Variants in COBL observed in about 807,000 individuals in gnomAD.
COBL encodes the protein protein cordon-bleu.
COBL carries 51 observed loss-of-function variants against 98.8 expected under a neutral mutation model. The observed-to-expected ratio is 0.52, with a 90% CI of 0.41 to 0.65. COBL has a LOEUF of 0.65. Among genes scored for constraint, COBL ranks in the 30% least tolerant of loss-of-function variants. The pLI, the probability that COBL is intolerant of heterozygous loss-of-function variation, is 0.00. For synonymous variants in COBL, 634 were observed against 651.7 expected (o/e 0.97, Z 0.41); for missense variants, 1,617 against 1,617.5 (o/e 1.00, Z 0.01).
intron 6 of COBL, among the ~76,000 whole-genome samples, chr7:51,126,038 T>C (rs940266480): frequency 3.3e-5 from 5 of 152,220 alleles, no homozygotes; most frequent in East Asian, 1.9e-4. Context: ...TCTTAAAATA[T>C]GGTGTTCAGG....
chr7:51,197,502 G>A (rs911135195), intron 2 of COBL, among the ~76,000 whole-genome samples: 1 of 152,108 alleles, frequency 6.6e-6, no homozygotes, highest in Admixed American at 6.5e-5. Context: ...GTTGTTTTAG[G>A]ATGAAAAGTT....
intron 1 of COBL, among the ~76,000 whole-genome samples, chr7:51,300,307 C>T (rs1265123341): frequency 6.6e-6 from 1 of 152,034 alleles, no homozygotes; most frequent in South Asian, 2.1e-4. Context: ...ATTACAGGCA[C>T]CCACCACCAC....
At chr7:51,149,549 A>G (rs1161140390) in intron 5 of COBL, among the ~76,000 whole-genome samples, 1 of 152,196 alleles carries the variant, frequency 6.6e-6, no homozygotes, top group Non-Finnish European at 1.5e-5. Context: ...TTACTCTTAC[A>G]TGGATTTAAC....
chr7:51,177,062 T>C (rs1252981006), intron 5 of COBL, among the ~76,000 whole-genome samples: 5 of 152,224 alleles, frequency 3.3e-5, no homozygotes, highest in Non-Finnish European at 7.3e-5. Flanking sequence ...TTAGCCTATT[T>C]CTGGTAGGTG....
chr7:51,156,847 C>T (rs1562974501), intron 5 of COBL, among the ~76,000 whole-genome samples: 1 of 152,116 alleles, frequency 6.6e-6, no homozygotes, highest in African/African-American at 2.4e-5. Context: ...TTAAACTGTT[C>T]TGTACTTAAA....
intron 7 of COBL, chr7:51,083,357 C>A: frequency 3.2e-6 from 2 of 628,736 alleles, no homozygotes; most frequent in South Asian, 4.3e-5. Context: ...CACCTAACAC[C>A]AGATCCAGTC....
chr7:51,313,710 A>G lies in COBL; in HGVS notation c.41+2883T>C, dbSNP rs776990578. On this transcript the variant is annotated intron_variant, in intron 1 of 12. Transcript: ENST00000265136. ...CTGTCCTTTATTAACAGAGGGTCCA[A>G]TGGGAAATTTAGCCCTGTGTTCTGT... 2.6e-5 allele frequency among the ~76,000 whole-genome samples: 4 copies of G among 152,372 alleles called. No individual in the cohort carries two copies. In the South Asian group the frequency reaches 6.2e-4, roughly 24 times the overall value.
intron 1 of COBL, 124 bp from the exon 2 acceptor site, chr7:51,220,068 T>C (rs1793484422): frequency 2.5e-6 from 2 of 785,246 alleles, no homozygotes; most frequent in African/African-American, 3.5e-5. Context: ...ACGGCCTTTT[T>C]AAAATCAATG....
At chr7:51,211,508 G>C (rs762404608) in intron 2 of COBL, among the ~76,000 whole-genome samples, 2 of 152,242 alleles carry the variant, frequency 1.3e-5, no homozygotes, top group Non-Finnish European at 1.5e-5. Context: ...GTCAGTACTT[G>C]CTAAATAAAT....
chr7:51,316,566 A>T, intron 1 of COBL, 27 bp downstream of exon 1: 1 of 1,207,010 alleles, frequency 8.3e-7, no homozygotes, highest in Non-Finnish European at 1.0e-6. Context: ...CCCCCTCTCC[A>T]CCCCGCCCGA....
intron 1 of COBL, among the ~76,000 whole-genome samples, chr7:51,269,360 C>A (rs1798540220): frequency 6.6e-6 from 1 of 152,150 alleles, no homozygotes; most frequent in Non-Finnish European, 1.5e-5. Context: ...TAAGTCACAT[C>A]ATGCATCAGT....
At chr7:51,083,997 G>A (rs533988289) in intron 7 of COBL, among the ~76,000 whole-genome samples, 63 of 152,152 alleles carry the variant, frequency 4.1e-4, no homozygotes, top group Non-Finnish European at 2.9e-4. Context: ...AAGGGAGAAT[G>A]GGGGGCTCTT....
chr7:51,063,354 C>T (rs6961640), intron 7 of COBL, among the ~76,000 whole-genome samples: 150 of 152,286 alleles, frequency 9.8e-4, no homozygotes, highest in African/African-American at 3.4e-3. Context: ...AGGCTGGCTT[C>T]GAACTCCTGA....
chr7:51,288,665 A>C (rs1283718718), intron 1 of COBL, among the ~76,000 whole-genome samples: 2 of 152,006 alleles, frequency 1.3e-5, no homozygotes, highest in Non-Finnish European at 2.9e-5. Flanking sequence ...GAGGCAGGAG[A>C]ATCGCTTAAA....
chr7:51,097,177 C>T (rs565501900), intron 6 of COBL, among the ~76,000 whole-genome samples: 2 of 152,214 alleles, frequency 1.3e-5, no homozygotes, highest in African/African-American at 4.8e-5. Flanking sequence ...GGTAAGAATG[C>T]TTCAATATAA....
At chr7:51,303,329 G>A (rs1197978480) in intron 1 of COBL, among the ~76,000 whole-genome samples, 3 of 152,162 alleles carry the variant, frequency 2.0e-5, no homozygotes, top group Non-Finnish European at 4.4e-5. Context: ...GGGAGGCCAA[G>A]GCGGCCAGAT....
chr7:51,148,052 A>G (rs1032860957), intron 5 of COBL, among the ~76,000 whole-genome samples: 4 of 152,130 alleles, frequency 2.6e-5, no homozygotes, highest in South Asian at 4.1e-4. Context: ...GTGAGCCACC[A>G]CACCCAGCCA....
chr7:51,105,491 G>C (rs997667848), intron 6 of COBL, among the ~76,000 whole-genome samples: 6 of 152,220 alleles, frequency 3.9e-5, no homozygotes, highest in African/African-American at 1.4e-4. Flanking sequence ...GCTCACACCT[G>C]TAACCCCAGC....
At chr7:51,227,000 T>C (rs1161110362) in intron 1 of COBL, among the ~76,000 whole-genome samples, 1 of 152,186 alleles carries the variant, frequency 6.6e-6, no homozygotes, top group Non-Finnish European at 1.5e-5. Context: ...GGACACCACC[T>C]ACACACTTTG....
Sources: allele counts gnomAD v4.1 joint callset (sites outside exome capture counted in the v4.1 genomes callset), GRCh38; gene constraint gnomAD v4.1.1; transcripts MANE v1.5; gene names NCBI Gene and HGNC (gene_info 2026-07-23, HGNC 2026-07-21).